Variants in SLC8A1 observed in about 807,000 individuals in gnomAD.
SLC8A1 encodes solute carrier family 8 member A1.
In SLC8A1, 18 loss-of-function variants were observed where a neutral mutation model predicts 68.3. The ratio of observed to expected loss-of-function variants is 0.26; its 90% confidence interval spans 0.18 to 0.39. SLC8A1 has a LOEUF of 0.39. Ranked by LOEUF, SLC8A1 falls within the 10% of genes least tolerant of loss-of-function variation. The pLI, the probability that SLC8A1 is intolerant of heterozygous loss-of-function variation, is 1.00. For missense variants in SLC8A1, 985 were observed against 1,156.7 expected (o/e 0.85, Z 2.15); for synonymous variants, 475 against 415.5 (o/e 1.14, Z -1.74).
At chr2:40,325,820 G>A (rs972546123) in intron 2 of SLC8A1, among the ~76,000 whole-genome samples, 1 of 150,236 alleles carries the variant, frequency 6.7e-6, no homozygotes, top group Non-Finnish European at 1.5e-5. Flanking sequence ...TGAGCGTGGT[G>A]GCAGGTGCCT....
chr2:40,122,233 C>T (rs1406234475), intron 7 of SLC8A1, among the ~76,000 whole-genome samples: 13 of 143,090 alleles, frequency 9.1e-5, no homozygotes, highest in Admixed American at 4.2e-4. Flanking sequence ...CACGTGTGCG[C>T]GCGCACACAC....
intron 2 of SLC8A1, among the ~76,000 whole-genome samples, chr2:40,221,013 C>A (rs1020231157): frequency 3.4e-4 from 52 of 152,136 alleles, no homozygotes; most frequent in African/African-American, 1.2e-3. Flanking sequence ...GGACTTCTCC[C>A]TAACTCATTT....
chr2:40,166,396 T>C (rs78209137), intron 4 of SLC8A1, among the ~76,000 whole-genome samples: 8,044 of 152,288 alleles, frequency 0.053, 732 homozygotes, highest in African/African-American at 0.18. Context: ...ATACATTTTA[T>C]AGTGTCATCC....
chr2:40,394,447 G>A (rs1686279733), intron 2 of SLC8A1, among the ~76,000 whole-genome samples: 1 of 151,812 alleles, frequency 6.6e-6, no homozygotes, highest in South Asian at 2.1e-4. Context: ...CTGTTAGTGT[G>A]TGTGTGTGCG....
intron 1 of SLC8A1, among the ~76,000 whole-genome samples, chr2:40,507,890 T>A (rs1706468312): frequency 1.3e-5 from 2 of 152,098 alleles, no homozygotes; most frequent in Middle Eastern, 3.2e-3. Flanking sequence ...GAACATAGAT[T>A]TGTCTGAATC....
intron 6 of SLC8A1, among the ~76,000 whole-genome samples, chr2:40,146,457 T>A (rs574926484): frequency 2.0e-5 from 3 of 152,284 alleles, no homozygotes; most frequent in South Asian, 4.1e-4. Flanking sequence ...CTCCAAACTT[T>A]TTGGCACCAG....
At chr2:40,412,827 T>C (rs1461698480) in intron 2 of SLC8A1, among the ~76,000 whole-genome samples, 1 of 152,214 alleles carries the variant, frequency 6.6e-6, no homozygotes, top group Non-Finnish European at 1.5e-5. Context: ...TGGATATTTT[T>C]GGTATTATTG....
At chr2:40,365,615 G>T (rs560759420) in intron 2 of SLC8A1, among the ~76,000 whole-genome samples, 20 of 151,948 alleles carry the variant, frequency 1.3e-4, no homozygotes, top group Admixed American at 1.3e-3. Context: ...AGAAGTCATG[G>T]GTCAGGTTTT....
chr2:40,266,373 T>C (rs2065351650), intron 2 of SLC8A1, among the ~76,000 whole-genome samples: 1 of 152,136 alleles, frequency 6.6e-6, no homozygotes, highest in Admixed American at 6.6e-5. Flanking sequence ...GCCCCTAGTT[T>C]AGGGCCCACA....
At chr2:40,345,587 T>C (rs564311349) in intron 2 of SLC8A1, among the ~76,000 whole-genome samples, 152 of 152,298 alleles carry the variant, frequency 1.0e-3, no homozygotes, top group African/African-American at 3.4e-3. Flanking sequence ...AAATTTGTGG[T>C]AAAGTATCCC....
intron 2 of SLC8A1, among the ~76,000 whole-genome samples, chr2:40,379,105 T>A (rs962450144): frequency 2.6e-5 from 4 of 152,130 alleles, no homozygotes; most frequent in East Asian, 1.9e-4. Context: ...ATTTTAATAA[T>A]TTTTTAGTGA....
At chr2:40,415,385 C>G (rs888240645) in intron 2 of SLC8A1, among the ~76,000 whole-genome samples, 4 of 151,274 alleles carry the variant, frequency 2.6e-5, no homozygotes, top group Non-Finnish European at 4.4e-5. Context: ...TACAATTTTC[C>G]TGAAGACATA....
At chr2:40,463,245 G>T (rs1018511652) in intron 1 of SLC8A1, among the ~76,000 whole-genome samples, 1 of 152,128 alleles carries the variant, frequency 6.6e-6, no homozygotes, top group African/African-American at 2.4e-5. Flanking sequence ...CTGGACAAAA[G>T]CAGCTTCGGA....
At chr2:40,242,360 G>C (rs1158177967) in intron 2 of SLC8A1, among the ~76,000 whole-genome samples, 8 of 152,082 alleles carry the variant, frequency 5.3e-5, no homozygotes, top group Admixed American at 2.6e-4. Context: ...TGCAAATAAG[G>C]CTTATTTCAT....
intron 2 of SLC8A1, among the ~76,000 whole-genome samples, chr2:40,353,808 C>T (rs892323418): frequency 2.6e-5 from 4 of 152,192 alleles, no homozygotes; most frequent in African/African-American, 9.7e-5. Context: ...GCTCTACCAT[C>T]CTTCTACCTG....
intron 2 of SLC8A1, among the ~76,000 whole-genome samples, chr2:40,341,000 T>C (rs970672782): frequency 1.3e-5 from 2 of 152,170 alleles, no homozygotes; most frequent in African/African-American, 4.8e-5. Context: ...TGAACTGCTT[T>C]ATGAGATCCA....
chr2:40,194,808 G>C (rs1404516727), intron 2 of SLC8A1, among the ~76,000 whole-genome samples: 1 of 151,984 alleles, frequency 6.6e-6, no homozygotes, highest in African/African-American at 2.4e-5. Context: ...GACTGGAAGA[G>C]GCCAAGACTG....
chr2:40,243,872 G>C (rs531305080), intron 2 of SLC8A1, among the ~76,000 whole-genome samples: 2 of 152,200 alleles, frequency 1.3e-5, no homozygotes, highest in South Asian at 2.1e-4. Flanking sequence ...ATGAGTCTAA[G>C]TGCTAGATAA....
chr2:40,267,524 G>T (rs928072269), intron 2 of SLC8A1, among the ~76,000 whole-genome samples: 4 of 152,142 alleles, frequency 2.6e-5, no homozygotes, highest in African/African-American at 9.7e-5. Flanking sequence ...TTGCTTGTTT[G>T]CCTCAACTCA....
Sources: allele counts gnomAD v4.1 joint callset (sites outside exome capture counted in the v4.1 genomes callset), GRCh38; gene constraint gnomAD v4.1.1; transcripts MANE v1.5; gene names NCBI Gene and HGNC (gene_info 2026-07-23, HGNC 2026-07-21).